TSHZ2: variants seen among roughly 807,000 people sequenced by gnomAD.
TSHZ2 encodes the protein teashirt homolog 2.
A neutral mutation model predicts 74.4 loss-of-function variants in TSHZ2; 21 were observed. The ratio of observed to expected loss-of-function variants is 0.28; its 90% CI spans 0.20 to 0.41. The LOEUF (loss-of-function observed/expected upper bound fraction) is 0.41, where lower values mean the gene tolerates loss of function less well. TSHZ2 is among the 10% of genes least tolerant of loss of function. The pLI, the probability that TSHZ2 is intolerant of heterozygous loss-of-function variation, is 1.00. For synonymous variants in TSHZ2, 540 were observed against 515.3 expected (o/e 1.05, Z -0.65); for missense variants, 1,244 against 1,293.5 (o/e 0.96, Z 0.59).
intron 1 of TSHZ2, among the ~76,000 whole-genome samples, chr20:53,047,045 A>C (rs76759791): frequency 0.013 from 1,933 of 152,284 alleles, 44 homozygotes; most frequent in African/African-American, 0.044. Context: ...GCCTCATATG[A>C]AGACACATGT....
chr20:52,991,268 C>T (rs1384254893), intron 1 of TSHZ2, among the ~76,000 whole-genome samples: 1 of 129,560 alleles, frequency 7.7e-6, no homozygotes, highest in Admixed American at 8.4e-5. Flanking sequence ...AGTGTGAAAG[C>T]TTTTCTGATG....
chr20:53,450,011 G>C (rs1984711535), intron 2 of TSHZ2, among the ~76,000 whole-genome samples: 1 of 152,136 alleles, frequency 6.6e-6, no homozygotes, highest in Non-Finnish European at 1.5e-5. Flanking sequence ...ATGGGCCTAG[G>C]GCCTGATATG....
At chr20:53,001,832 G>T (rs937473674) in intron 1 of TSHZ2, among the ~76,000 whole-genome samples, 3 of 152,192 alleles carry the variant, frequency 2.0e-5, no homozygotes, top group Admixed American at 6.5e-5. Flanking sequence ...GTTTGATAGT[G>T]GCATAGCTGT....
At chr20:53,296,151 T>C (rs1260856899) in intron 2 of TSHZ2, among the ~76,000 whole-genome samples, 1 of 152,172 alleles carries the variant, frequency 6.6e-6, no homozygotes, top group Non-Finnish European at 1.5e-5. Context: ...TTTTTTTTAA[T>C]GGTGTGCTTC....
chr20:53,438,106 T>C (rs1334622581), intron 2 of TSHZ2, among the ~76,000 whole-genome samples: 1 of 143,820 alleles, frequency 7.0e-6, no homozygotes, highest in Non-Finnish European at 1.5e-5. Flanking sequence ...TTCTTTCTTT[T>C]TTTTTTTTCT....
chr20:53,275,449 T>C (rs2145425093), intron 2 of TSHZ2, among the ~76,000 whole-genome samples: 1 of 152,136 alleles, frequency 6.6e-6, no homozygotes, highest in South Asian at 2.1e-4. Flanking sequence ...GCATCTATAA[T>C]ACATGGCATT....
At chr20:53,087,601 TAAAAG>T (rs1985736739) in intron 1 of TSHZ2, among the ~76,000 whole-genome samples, 1 of 152,338 alleles carries the variant, frequency 6.6e-6, no homozygotes, top group South Asian at 2.1e-4. Flanking sequence ...TTGTGTCTGT[TAAAAG>T]AAGGATCAGA....
chr20:53,313,803 C>T (rs1278829368), intron 2 of TSHZ2, among the ~76,000 whole-genome samples: 9 of 152,132 alleles, frequency 5.9e-5, no homozygotes, highest in Non-Finnish European at 1.3e-4. Context: ...AATCTGCTTC[C>T]ATTTGCATAA....
rs1986485185 is a variant in TSHZ2, at chr20:53,492,870, A to G, written c.*5735A>G. ...TGCTCTAAAGTGTTTACTTGCCAGC[A>G]AAGAAAGGCAAACACATTTTTATAT... On this transcript the variant is annotated 3_prime_UTR_variant, in exon 3 of 3. Coordinates refer to ENST00000371497, the MANE Select transcript of TSHZ2 (RefSeq NM_173485.6). 6.6e-6 allele frequency: 1 copy of G among 152,232 alleles called. No individual in the cohort carries two copies. Among genetic ancestry groups the G allele is most frequent in the Non-Finnish European group, 1.5e-5 (1 of 68,034 alleles). 9.4% of individuals were successfully genotyped at this position (152,232 alleles called of 1,614,324 possible).
chr20:53,410,943 G>A (rs935587432), intron 2 of TSHZ2, among the ~76,000 whole-genome samples: 2 of 151,720 alleles, frequency 1.3e-5, no homozygotes, highest in East Asian at 1.9e-4. Flanking sequence ...CCAAAATGCT[G>A]GGATAACAGG....
intron 2 of TSHZ2, among the ~76,000 whole-genome samples, chr20:53,318,305 T>C (rs772359420): frequency 6.6e-6 from 1 of 152,156 alleles, no homozygotes; most frequent in Admixed American, 6.5e-5. Context: ...ACAGGCACTT[T>C]ATAAATCAAT....
Position 53,051,457 on chromosome 20 carries a change from G to GCACACACACACACA in TSHZ2, c.40+78149_40+78162dup, listed in dbSNP as rs11474223. Among the ~76,000 whole-genome samples the GCACACACACACACA allele has an allele frequency of 4.4e-3, 639 of 145,174 alleles. 5 individuals are homozygous for GCACACACACACACA. The highest frequency in any genetic ancestry group is 0.012 in the South Asian group (53 of 4,518). On this transcript the variant is annotated intron_variant, in intron 1 of 2. Coordinates refer to ENST00000371497, the MANE Select transcript of TSHZ2 (RefSeq NM_173485.6). Reference sequence around the variant, plus strand: ...CTTATCATATTACTCTGTGGCGCACGCACACACACACACACACACACACAC... The same window carrying GCACACACACACACA: ...CTTATCATATTACTCTGTGGCGCACGCACACACACACACACACACACACACACACACACACACAC...
chr20:53,021,730 C>T (rs1189337402), intron 1 of TSHZ2, among the ~76,000 whole-genome samples: 3 of 152,186 alleles, frequency 2.0e-5, no homozygotes, highest in Non-Finnish European at 4.4e-5. Context: ...TAATTATCCA[C>T]TGCAGGTTCA....
chr20:53,137,296 C>CTTTTTTTTTT (rs759993398), intron 1 of TSHZ2, among the ~76,000 whole-genome samples: 1 of 135,270 alleles, frequency 7.4e-6, no homozygotes, highest in Admixed American at 7.4e-5. Flanking sequence ...ATTCGTGTTT[C>CTTTTTTTTTT]TTTTTTTTTT....
chr20:53,351,127 C>T (rs1244682285), intron 2 of TSHZ2, among the ~76,000 whole-genome samples: 2 of 152,202 alleles, frequency 1.3e-5, no homozygotes, highest in Admixed American at 1.3e-4. Context: ...ATTTGATCAC[C>T]AAATTGGACG....
At chr20:53,105,342 T>C (rs1986330497) in intron 1 of TSHZ2, among the ~76,000 whole-genome samples, 1 of 152,230 alleles carries the variant, frequency 6.6e-6, no homozygotes, top group Admixed American at 6.5e-5. Context: ...GGGGCTGTCC[T>C]GTGATTGTAG....
chr20:53,087,190 C>G (rs1386450741), intron 1 of TSHZ2, among the ~76,000 whole-genome samples: 1 of 152,024 alleles, frequency 6.6e-6, no homozygotes, highest in Non-Finnish European at 1.5e-5. Context: ...TGAGGTCAAC[C>G]AAAAAAGGGA....
In TSHZ2 at chr20:53,106,192, C is replaced by T. The variant is rs531533302; in HGVS notation, c.40+132859C>T. Among the ~76,000 whole-genome samples, 20 of 152,004 alleles carry T rather than the reference C, an allele frequency of 1.3e-4. No individual in the cohort carries two copies. In the South Asian group the frequency reaches 3.9e-3, roughly 30 times the overall value. ...CAATAGAACACCAGAACTTTTTTCT[C>T]CTATCTAACTGTAATTTTGTACCCA... On this transcript the variant is annotated intron_variant, in intron 1 of 2. Transcript: ENST00000371497.
intron 1 of TSHZ2, among the ~76,000 whole-genome samples, chr20:53,199,482 T>A (rs1988948607): frequency 6.6e-6 from 1 of 151,928 alleles, no homozygotes; most frequent in South Asian, 2.1e-4. Flanking sequence ...TCAAAAAAAG[T>A]AAAATAAAAT....
Sources: allele counts gnomAD v4.1 joint callset (sites outside exome capture counted in the v4.1 genomes callset), GRCh38; gene constraint gnomAD v4.1.1; transcripts MANE v1.5; gene names NCBI Gene and HGNC (gene_info 2026-07-23, HGNC 2026-07-21).